The following ATG4C variants were observed in gnomAD, a reference collection of about 807,000 sequenced individuals.
The protein encoded by ATG4C is cysteine protease ATG4C.
Under a neutral mutation model 57.6 loss-of-function variants are expected in ATG4C, and 56 were observed. The observed-to-expected ratio is 0.97, with a 90% CI of 0.78 to 1.21. ATG4C has a LOEUF of 1.21. Ranked by LOEUF, ATG4C falls within the 50% of genes most tolerant of loss-of-function variation. The pLI is 0.00. For missense variants in ATG4C, 595 were observed against 529.8 expected (o/e 1.12, Z -1.21); for synonymous variants, 157 against 174.1 (o/e 0.90, Z 0.78).
chr1:62,863,788 G>A (rs7531329), intron 10 of ATG4C, among the ~76,000 whole-genome samples: 94,787 of 151,818 alleles, frequency 0.62, 29,724 homozygotes, highest in Admixed American at 0.7. Context: ...CCCAATGAAG[G>A]AGCATGCATT....
chr1:62,832,378 T>G (rs1348102066), intron 7 of ATG4C, among the ~76,000 whole-genome samples: 2 of 152,122 alleles, frequency 1.3e-5, no homozygotes, highest in African/African-American at 4.8e-5. Flanking sequence ...TCTCTCACAG[T>G]TCTGGAGGAT....
At chr1:62,836,649 T>G (rs1666008246) in intron 9 of ATG4C, among the ~76,000 whole-genome samples, 1 of 152,094 alleles carries the variant, frequency 6.6e-6, no homozygotes, top group Admixed American at 6.5e-5. Context: ...TGCTTGTATA[T>G]TTATAGCTAG....
Position 62,819,048 on chromosome 1 carries a change from T to C in ATG4C, c.438T>C (p.Ser146=). Residue 146 remains serine (S), a synonymous_variant, in exon 5 of 11, where the codon TCT becomes TCC. Coordinates refer to ENST00000317868, the MANE Select transcript of ATG4C (RefSeq NM_032852.4). ...CTTTGAATATTGAAAATTCAGACTC[T>C]GAATCATGGACTTCCCACACTGTCA... ...PDALNIENSD[S]ESWTSHTVKK... 1.9e-6 allele frequency: 3 copies of C among 1,589,892 alleles called. No homozygotes were observed. The highest frequency in any genetic ancestry group is 2.6e-6 in the Non-Finnish European group (3 of 1,168,960).
intron 10 of ATG4C, among the ~76,000 whole-genome samples, chr1:62,846,039 C>G (rs1666317506): frequency 6.6e-6 from 1 of 152,182 alleles, no homozygotes; most frequent in African/African-American, 2.4e-5. Context: ...TGTTTTACAT[C>G]TAGGTGACCA....
chr1:62,805,003 A>C (rs1348661126), intron 2 of ATG4C, among the ~76,000 whole-genome samples, 169 bp from the exon 3 acceptor site: 1 of 152,138 alleles, frequency 6.6e-6, no homozygotes, highest in African/African-American at 2.4e-5. Context: ...AATTGCCTTT[A>C]TTTCCAGTTC....
chr1:62,837,975 T>C (rs1666047757), intron 9 of ATG4C, among the ~76,000 whole-genome samples: 1 of 152,204 alleles, frequency 6.6e-6, no homozygotes, highest in African/African-American at 2.4e-5. Flanking sequence ...TAGGTACTTT[T>C]TACTAAGGGT....
At position 62,787,579 on chromosome 1, in the gene ATG4C, T is replaced by C. The variant is rs151104550; in HGVS notation, c.-69+3306T>C. On this transcript the variant is annotated intron_variant, in intron 1 of 10. Coordinates refer to ENST00000317868, the MANE Select transcript of ATG4C (RefSeq NM_032852.4). ...CCAAACAGTAGTGATTTATAGTTTA[T>C]TGTTTAAATTTTACATTTCTTAGTA... Among the ~76,000 whole-genome samples, 625 of 152,286 alleles carry C rather than the reference T, an allele frequency of 4.1e-3. 2 individuals carry two copies. The highest frequency in any genetic ancestry group is 7.0e-3 in the Non-Finnish European group (474 of 68,012).
chr1:62,864,380 T>C lies in ATG4C; in HGVS notation c.*221T>C, dbSNP rs1055558254. The C allele has an allele frequency of 5.2e-6, 2 of 381,750 alleles. No homozygotes were observed. Among genetic ancestry groups the C allele is most frequent in the Non-Finnish European group, 9.4e-6 (2 of 212,924 alleles). 23.6% of individuals were successfully genotyped at this position (381,750 alleles called of 1,614,324 possible). A position where few individuals can be genotyped will look rare whatever the true frequency, so the allele number is the denominator to read the frequency against. On this transcript the variant is annotated 3_prime_UTR_variant, in exon 11 of 11. Transcript: ENST00000317868. Reference sequence around the variant, plus strand: ...AATAAATTGAGTGATTCTGGTTGCATTCCTATTTCCCTAAGATCTACTAGT... The same window carrying C: ...AATAAATTGAGTGATTCTGGTTGCACTCCTATTTCCCTAAGATCTACTAGT...
At chr1:62,794,480 G>A (rs908073411) in intron 1 of ATG4C, among the ~76,000 whole-genome samples, 6 of 152,126 alleles carry the variant, frequency 3.9e-5, no homozygotes, top group Non-Finnish European at 8.8e-5. Flanking sequence ...TTTTTCTTGA[G>A]GCAAAACTAT....
intron 9 of ATG4C, among the ~76,000 whole-genome samples, chr1:62,837,201 A>G (rs945942988): frequency 1.3e-5 from 2 of 152,114 alleles, no homozygotes; most frequent in Admixed American, 1.3e-4. Flanking sequence ...TATCCTATTG[A>G]ATTTCTATAC....
chr1:62,789,549 C>T (rs548779619), intron 1 of ATG4C, among the ~76,000 whole-genome samples: 4 of 151,596 alleles, frequency 2.6e-5, no homozygotes, highest in Admixed American at 1.3e-4. Context: ...CGTGGTGGCT[C>T]ATGCCTGTAA....
chr1:62,792,117 C>T (rs1019918856), intron 1 of ATG4C, among the ~76,000 whole-genome samples: 4 of 152,166 alleles, frequency 2.6e-5, no homozygotes, highest in African/African-American at 9.7e-5. Flanking sequence ...CTGCCTCAGC[C>T]TCCTGAGTAG....
At chr1:62,852,034 G>A (rs1009965981) in intron 10 of ATG4C, among the ~76,000 whole-genome samples, 8 of 152,152 alleles carry the variant, frequency 5.3e-5, no homozygotes, top group African/African-American at 1.9e-4. Context: ...TGTGATTGTT[G>A]TATACCTTAC....
chr1:62,797,430 TTAA>T (rs201189219), intron 1 of ATG4C, among the ~76,000 whole-genome samples: 1 of 152,052 alleles, frequency 6.6e-6, no homozygotes, highest in Non-Finnish European at 1.5e-5. Flanking sequence ...TGTTTATGAG[TTAA>T]TAATTTGAGA....
intron 6 of ATG4C, among the ~76,000 whole-genome samples, chr1:62,824,303 C>G (rs888005374): frequency 2.0e-5 from 3 of 152,036 alleles, no homozygotes; most frequent in Admixed American, 6.6e-5. Context: ...ATCTCTATCC[C>G]GATGAGGGAG....
At chr1:62,811,369 T>C (rs1329189555) in intron 3 of ATG4C, among the ~76,000 whole-genome samples, 1 of 152,220 alleles carries the variant, frequency 6.6e-6, no homozygotes. Flanking sequence ...TACAAACTTA[T>C]TTCCTTGTAT....
At chr1:62,832,671 C>CAATTGGGGATTTCAATTCCAGATTTCA (rs1665879891) in intron 7 of ATG4C, among the ~76,000 whole-genome samples, 1 of 152,142 alleles carries the variant, frequency 6.6e-6, no homozygotes, top group Non-Finnish European at 1.5e-5. Flanking sequence ...TTCAACACTA[C>CAATTGGGGATTTCAATTCCAGATTTCA]ATTGGGGATT....
chr1:62,804,641 C>T (rs1572106592), intron 2 of ATG4C, among the ~76,000 whole-genome samples: 1 of 152,042 alleles, frequency 6.6e-6, no homozygotes, highest in Non-Finnish European at 1.5e-5. Flanking sequence ...TATTTTTAAC[C>T]TAGTTCCTTT....
Position 62,864,162 on chromosome 1 carries a change from AT to A in ATG4C, c.*5del, listed in dbSNP as rs780399581. The A allele has an allele frequency of 5.6e-6, 9 of 1,594,204 alleles. No homozygotes were observed. Among genetic ancestry groups the A allele is most frequent in the Non-Finnish European group, 7.7e-6 (9 of 1,174,226 alleles). On this transcript the variant is annotated 3_prime_UTR_variant, in exon 11 of 11. Coordinates refer to ENST00000317868, the MANE Select transcript of ATG4C (RefSeq NM_032852.4). Reference sequence around the variant, plus strand: ...CGGAAGAGTTTGTCTTGCTTTAAAGATTAGCACATTTGTGCTTGATAAGAAG... The same window carrying A: ...CGGAAGAGTTTGTCTTGCTTTAAAGATAGCACATTTGTGCTTGATAAGAAG...
Sources: allele counts gnomAD v4.1 joint callset (sites outside exome capture counted in the v4.1 genomes callset), GRCh38; gene constraint gnomAD v4.1.1; transcripts MANE v1.5; gene names NCBI Gene and HGNC (gene_info 2026-07-23, HGNC 2026-07-21).